The following RASEF variants were observed in gnomAD, a reference collection of about 807,000 sequenced individuals.
RASEF encodes RAS and EF-hand domain containing, also known as ras and EF-hand domain-containing protein.
Under a neutral mutation model 90.1 loss-of-function variants are expected in RASEF, and 68 were observed. That is an observed-to-expected ratio of 0.75 (90% CI 0.62 to 0.92). The LOEUF (loss-of-function observed/expected upper bound fraction) is 0.92, where lower values mean the gene tolerates loss of function less well. Among genes scored for constraint, RASEF ranks in the 40% least tolerant of loss-of-function variants. The pLI is 0.00. For synonymous variants in RASEF, 331 were observed against 345.2 expected (o/e 0.96, Z 0.46); for missense variants, 949 against 937.2 (o/e 1.01, Z -0.16).
chr9:83,210,841 G>T, the RASEF span, among the ~76,000 whole-genome samples: 1 of 152,198 alleles, frequency 6.6e-6, no homozygotes, highest in Non-Finnish European at 1.5e-5. Flanking sequence ...GGCCATCAAT[G>T]CTAAAACTGA....
chr9:83,201,126 G>A, the RASEF span: 2 of 152,260 alleles, frequency 1.3e-5, no homozygotes, highest in Non-Finnish European at 2.9e-5. Context: ...GAATCCTGGA[G>A]AAGCTGTGGA....
intron 3 of RASEF, among the ~76,000 whole-genome samples, chr9:83,020,825 T>C (rs1183673034): frequency 6.6e-6 from 1 of 152,128 alleles, no homozygotes; most frequent in Non-Finnish European, 1.5e-5. Context: ...AAGTGTTTGA[T>C]GAATGAATTT....
intron 2 of RASEF, among the ~76,000 whole-genome samples, chr9:83,023,547 T>C (rs1047304078): frequency 3.3e-5 from 5 of 152,238 alleles, no homozygotes; most frequent in East Asian, 1.9e-4. Flanking sequence ...GGAAGTATTA[T>C]GGGAGGAAAA....
chr9:82,997,351 C>T (rs551008380), intron 13 of RASEF, among the ~76,000 whole-genome samples: 5 of 152,294 alleles, frequency 3.3e-5, no homozygotes, highest in East Asian at 1.9e-4. Context: ...CTTCTCTCTA[C>T]CAAACAACCC....
the RASEF span, among the ~76,000 whole-genome samples, chr9:83,217,670 C>T: frequency 2.5e-4 from 38 of 152,308 alleles, no homozygotes; most frequent in Non-Finnish European, 4.7e-4. Context: ...CCTCCCCAGC[C>T]ACGTGGAACT....
chr9:83,164,475 T>C, the RASEF span, among the ~76,000 whole-genome samples: 1 of 149,684 alleles, frequency 6.7e-6, no homozygotes, highest in Non-Finnish European at 1.5e-5. Context: ...GTAAGGTTTA[T>C]AGTGTTTTTT....
intron 16 of RASEF, among the ~76,000 whole-genome samples, chr9:82,989,048 C>A (rs1462209624): frequency 1.3e-5 from 2 of 152,112 alleles, no homozygotes; most frequent in Non-Finnish European, 2.9e-5. Context: ...CATCTGCCAA[C>A]CCTGCCACAA....
At chr9:82,982,823 G>A (rs1250542102) in intron 16 of RASEF, 41 bp from the exon 17 acceptor site, 1 of 1,146,590 alleles carries the variant, frequency 8.7e-7, no homozygotes, top group African/African-American at 1.5e-5. Flanking sequence ...GAGAGAGAGA[G>A]AGAGAGAGAG....
chr9:83,120,462 G>A, the RASEF span, among the ~76,000 whole-genome samples: 5 of 152,238 alleles, frequency 3.3e-5, no homozygotes, highest in South Asian at 1.0e-3. Context: ...CCTAGAATTT[G>A]CCAGCCATGG....
chr9:83,083,159 A>G, the RASEF span, among the ~76,000 whole-genome samples: 1 of 152,170 alleles, frequency 6.6e-6, no homozygotes, highest in East Asian at 1.9e-4. Context: ...TTGGTTACAC[A>G]TTACAATTCT....
intron 1 of RASEF, among the ~76,000 whole-genome samples, chr9:83,040,499 G>C (rs1829819662): frequency 6.6e-6 from 1 of 152,086 alleles, no homozygotes; most frequent in African/African-American, 2.4e-5. Context: ...ATAAGGATTT[G>C]CTTGTCATTC....
chr9:83,171,802 CT>C, the RASEF span, among the ~76,000 whole-genome samples: 1 of 151,572 alleles, frequency 6.6e-6, no homozygotes, highest in Admixed American at 6.6e-5. Context: ...TAATTTGGGT[CT>C]TCTTTTTTCT....
At chr9:83,028,326 T>G (rs1472521740) in intron 1 of RASEF, among the ~76,000 whole-genome samples, 2 of 152,198 alleles carry the variant, frequency 1.3e-5, no homozygotes, top group Non-Finnish European at 2.9e-5. Flanking sequence ...GCCCCTGACA[T>G]GGAGAGATTA....
chr9:83,013,609 C>T (rs1371898874), intron 4 of RASEF, among the ~76,000 whole-genome samples: 1 of 152,132 alleles, frequency 6.6e-6, no homozygotes, highest in East Asian at 1.9e-4. Flanking sequence ...GCATAACAAC[C>T]ACATCAGGCA....
intron 3 of RASEF, among the ~76,000 whole-genome samples, chr9:83,020,852 C>T (rs1246848353): frequency 6.6e-6 from 1 of 152,122 alleles, no homozygotes; most frequent in Admixed American, 6.5e-5. Context: ...AGATTAAACA[C>T]AGCAGATGGA....
At chr9:83,142,457 T>C in the RASEF span, among the ~76,000 whole-genome samples, 1 of 152,206 alleles carries the variant, frequency 6.6e-6, no homozygotes, top group Non-Finnish European at 1.5e-5. Flanking sequence ...TAAACAATAT[T>C]TTTCCCATAA....
At chr9:83,027,102 A>G (rs531867073) in intron 1 of RASEF, among the ~76,000 whole-genome samples, 72 of 152,340 alleles carry the variant, frequency 4.7e-4, no homozygotes, top group East Asian at 2.3e-3. Flanking sequence ...CATAAAGAAT[A>G]TAACTCAGGA....
chr9:83,014,410 T>C (rs1829304723), intron 4 of RASEF, among the ~76,000 whole-genome samples: 1 of 152,246 alleles, frequency 6.6e-6, no homozygotes, highest in African/African-American at 2.4e-5. Context: ...AAGTGATCCT[T>C]CCACCCCAGC....
chr9:83,022,448 A>G (rs1389252163), intron 2 of RASEF, 22 bp from the exon 3 acceptor site: 6 of 1,526,786 alleles, frequency 3.9e-6, no homozygotes. Flanking sequence ...AAGGATGCAC[A>G]CCTTTTCATT....
Sources: gnomAD v4.1 joint callset for allele counts (sites outside exome capture counted in the v4.1 genomes callset) on GRCh38, gnomAD v4.1.1 for gene constraint, MANE v1.5 for transcripts, NCBI Gene and HGNC (gene_info 2026-07-23, HGNC 2026-07-21) for gene names.